Variants in OR11A1 observed in about 807,000 individuals in gnomAD.
OR11A1 encodes olfactory receptor family 11 subfamily A member 1.
For missense variants in OR11A1, 380 were observed against 378.2 expected, an observed-to-expected ratio of 1.00 and a Z score of -0.04; for synonymous variants, 158 against 152.2, an observed-to-expected ratio of 1.04 and a Z score of -0.28.
chr6:29,440,874 A>G (rs1323416272), intron 1 of OR11A1: 8 of 1,613,766 alleles, frequency 5.0e-6, no homozygotes, highest in Non-Finnish European at 5.9e-6. Flanking sequence ...CCTCAACCCC[A>G]TCATCTACAG....
chr6:29,441,084 T>TTC, intron 1 of OR11A1: 1 of 634,250 alleles, frequency 1.6e-6, no homozygotes, highest in Non-Finnish European at 2.7e-6. Flanking sequence ...AAACTTATCT[T>TTC]TGAAAAGCTA....
chr6:29,440,057 C>T (rs775048330), intron 1 of OR11A1: 9 of 1,613,158 alleles, frequency 5.6e-6, no homozygotes, highest in East Asian at 2.2e-5. Flanking sequence ...TTCTTCTTCT[C>T]GGCTTCTCCC....
rs114855606 is a variant in OR11A1, at chr6:29,426,630, C to T, written c.*64G>A. The T allele has an allele frequency of 6.3e-4, 811 of 1,284,722 alleles. 4 individuals carry two copies. The African/African-American group carries it at 0.01, about 16-fold the overall frequency. 79.6% of individuals were successfully genotyped at this position (1,284,722 alleles called of 1,614,324 possible). On this transcript the variant is annotated 3_prime_UTR_variant, in exon 5 of 5. Coordinates refer to ENST00000377149, the MANE Select transcript of OR11A1 (RefSeq NM_001394828.1). ...TAAGACAAAGTTACTCCTCTCCAAC[C>T]CATCCTGGAAGAGTCCCCAGTGGAG...
intron 4 of OR11A1, 53 bp downstream of exon 4, chr6:29,428,860 G>A (rs1415604533): frequency 4.5e-6 from 3 of 660,496 alleles, no homozygotes; most frequent in Non-Finnish European, 5.6e-6. Flanking sequence ...CAAAAGCAAA[G>A]AGTTGTAATT....
At chr6:29,440,801 G>C in intron 1 of OR11A1, 1 of 1,614,094 alleles carries the variant, frequency 6.2e-7, no homozygotes, top group Admixed American at 1.7e-5. Flanking sequence ...TTCGCCCTAA[G>C]GCCAGCTACG....
chr6:29,451,868 C>G lies in OR11A1; in HGVS notation c.-389+5119G>C, dbSNP rs115883741. Among the ~76,000 whole-genome samples the G allele has an allele frequency of 9.4e-3, 1,429 of 152,250 alleles. 12 individuals carry two copies. Among genetic ancestry groups the G allele is most frequent in the African/African-American group, 0.026 (1,066 of 41,550 alleles). On this transcript the variant is annotated intron_variant, in intron 1 of 4. Transcript: ENST00000377149. ...TATACACGAAGGAATATAAATTATTCTACCATAAAGAGTCATGTATGTGTA... is the reference window on the plus strand; with the variant it reads ...TATACACGAAGGAATATAAATTATTGTACCATAAAGAGTCATGTATGTGTA...
chr6:29,456,318 C>A (rs1265240250), intron 1 of OR11A1, among the ~76,000 whole-genome samples: 1 of 150,742 alleles, frequency 6.6e-6, no homozygotes, highest in African/African-American at 2.4e-5. Context: ...GTCAGGAGAT[C>A]GAGACCATGG....
At chr6:29,452,362 T>C (rs1190156458) in intron 1 of OR11A1, among the ~76,000 whole-genome samples, 1 of 151,902 alleles carries the variant, frequency 6.6e-6, no homozygotes, top group African/African-American at 2.4e-5. Context: ...AGAAGAGAGA[T>C]AAAAGGGCAA....
chr6:29,433,993 G>A (rs1242124070), intron 1 of OR11A1, among the ~76,000 whole-genome samples: 2 of 151,950 alleles, frequency 1.3e-5, no homozygotes, highest in Non-Finnish European at 2.9e-5. Flanking sequence ...CTATTCAGGT[G>A]CTTAGCTCAT....
intron 1 of OR11A1, among the ~76,000 whole-genome samples, chr6:29,436,860 G>A (rs1240965538): frequency 1.3e-5 from 2 of 152,218 alleles, no homozygotes; most frequent in Non-Finnish European, 2.9e-5. Flanking sequence ...ACGGAATTCA[G>A]TCGGCCAGTG....
At chr6:29,444,902 C>A (rs544749279) in intron 1 of OR11A1, among the ~76,000 whole-genome samples, 2 of 152,196 alleles carry the variant, frequency 1.3e-5, no homozygotes, top group Non-Finnish European at 1.5e-5. Flanking sequence ...TCCTACCAAC[C>A]TTTCTCCCTG....
At chr6:29,449,809 G>T (rs1279533564) in intron 1 of OR11A1, among the ~76,000 whole-genome samples, 1 of 152,022 alleles carries the variant, frequency 6.6e-6, no homozygotes, top group Non-Finnish European at 1.5e-5. Flanking sequence ...GCCAATTTTT[G>T]TATCTTTAGT....
rs765131882 is a variant in OR11A1, at chr6:29,440,055, C to T, written c.-388-8068G>A. 2.5e-6 allele frequency: 4 copies of T among 1,613,174 alleles called. No individual in the cohort carries two copies. The East Asian group carries it at 8.9e-5, about 36-fold the overall frequency. On this transcript the variant is annotated intron_variant, in intron 1 of 4. Coordinates refer to ENST00000377149, the MANE Select transcript of OR11A1 (RefSeq NM_001394828.1). ...CTCCATGGTGACTGAGTTTCTTCTTCTCGGCTTCTCCCACCTGGCCGACCT... is the reference window on the plus strand; with the variant it reads ...CTCCATGGTGACTGAGTTTCTTCTTTTCGGCTTCTCCCACCTGGCCGACCT...
chr6:29,456,522 A>T (rs1228020740), intron 1 of OR11A1, among the ~76,000 whole-genome samples: 2 of 152,014 alleles, frequency 1.3e-5, no homozygotes, highest in Non-Finnish European at 2.9e-5. Context: ...AAAAAAAAAA[A>T]TTAAATTAAA....
At position 29,427,620 on chromosome 6, in the gene OR11A1, T is replaced by C. The variant is rs1338024243; in HGVS notation, c.22A>G (p.Asn8Asp). MEIVSTG[N>D]ETITEFVLLG... ...AGGACAAATTCAGTAATAGTTTCGTTTCCTGTGGAGACAATTTCCATGTCG... is the reference window on the plus strand; with the variant it reads ...AGGACAAATTCAGTAATAGTTTCGTCTCCTGTGGAGACAATTTCCATGTCG... Residue 8 changes from asparagine to aspartate, a missense_variant, in exon 5 of 5, where the codon AAC becomes GAC. Physicochemically the swap from Asn to Asp is conservative, Grantham distance 23 (BLOSUM62 1). Coordinates refer to ENST00000377149, the MANE Select transcript of OR11A1 (RefSeq NM_001394828.1). The C allele has an allele frequency of 6.2e-7, 1 of 1,608,962 alleles. No individual in the cohort carries two copies. Among genetic ancestry groups the C allele is most frequent in the East Asian group, 2.2e-5 (1 of 44,810 alleles).
At chr6:29,430,257 C>T in intron 3 of OR11A1, 44 bp downstream of exon 3, 1 of 984,488 alleles carries the variant, frequency 1.0e-6, no homozygotes, top group East Asian at 1.1e-4. Flanking sequence ...TCCACAGGTT[C>T]TGTTATTGCC....
At position 29,453,688 on chromosome 6, in the gene OR11A1, G is replaced by C. The variant is rs1284635947; in HGVS notation, c.-389+3299C>G. 6.6e-6 allele frequency among the ~76,000 whole-genome samples: 1 copy of C among 152,162 alleles called. No individual in the cohort carries two copies. The highest frequency in any genetic ancestry group is 2.4e-5 in the African/African-American group (1 of 41,444). On this transcript the variant is annotated intron_variant, in intron 1 of 4. Coordinates refer to ENST00000377149, the MANE Select transcript of OR11A1 (RefSeq NM_001394828.1). This position sits in a 1 kb window ranked among gnomAD's most constrained non-coding sequence, Gnocchi z 4.5. Reference sequence around the variant, plus strand: ...TGTAATGGGAAGATGCTGGGAATTAGATAGCTATAGAAGAATTAGATAAGA... The same window carrying C: ...TGTAATGGGAAGATGCTGGGAATTACATAGCTATAGAAGAATTAGATAAGA...
At chr6:29,440,444 A>C in intron 1 of OR11A1, 1 of 1,613,996 alleles carries the variant, frequency 6.2e-7, no homozygotes, top group Non-Finnish European at 8.5e-7. Flanking sequence ...GTCTACAGCT[A>C]GCTGGGTCGG....
At position 29,443,206 on chromosome 6, in the gene OR11A1, A is replaced by G. The variant is rs958179824; in HGVS notation, c.-388-11219T>C. 3.5e-4 allele frequency among the ~76,000 whole-genome samples: 53 copies of G among 152,280 alleles called. 1 individual carries two copies. In the Middle Eastern group the frequency reaches 0.01, roughly 29 times the overall value. On this transcript the variant is annotated intron_variant, in intron 1 of 4. Coordinates refer to ENST00000377149, the MANE Select transcript of OR11A1 (RefSeq NM_001394828.1). ...TGACCCATGTATGCACCATGACATT[A>G]TAGGCGCAATCACGAAATGAACATA...
Sources: allele counts gnomAD v4.1 joint callset (sites outside exome capture counted in the v4.1 genomes callset), GRCh38; gene constraint gnomAD v4.1.1; non-coding constraint Gnocchi (gnomAD v3.1); transcripts MANE v1.5; gene names NCBI Gene and HGNC (gene_info 2026-07-23, HGNC 2026-07-21).